CACNA2D3: variants seen among roughly 807,000 people sequenced by gnomAD.
CACNA2D3 encodes calcium voltage-gated channel auxiliary subunit alpha2delta 3, also known as voltage-dependent calcium channel subunit alpha-2/delta-3.
CACNA2D3 carries 60 observed loss-of-function variants against 160.6 expected under a neutral mutation model. That is an observed-to-expected ratio of 0.37 (90% confidence interval 0.30 to 0.46). CACNA2D3 has a LOEUF of 0.46. CACNA2D3 is among the 20% of genes least tolerant of loss of function. The pLI, the probability that CACNA2D3 is intolerant of heterozygous loss-of-function variation, is 1.00. For missense variants in CACNA2D3, 1,205 were observed against 1,365.0 expected (o/e 0.88, Z 1.85); for synonymous variants, 558 against 492.9 (o/e 1.13, Z -1.75).
intron 2 of CACNA2D3, among the ~76,000 whole-genome samples, chr3:54,175,613 C>CAAAAAAA: frequency 1.1e-5 from 1 of 90,322 alleles, no homozygotes; most frequent in African/African-American, 4.3e-5. Flanking sequence ...GACTCTGTCT[C>CAAAAAAA]AAAAAAAAAA....
rs548233026 is a variant in CACNA2D3 at position 54,252,100 on chromosome 3, G to GTTTTTTTTTTTTTTTTTTTTTTTTTTTTT, written c.205-68328_205-68327insTTTTTTTTTTTTTTTTTTTTTTTTTTTTT. Among the ~76,000 whole-genome samples the GTTTTTTTTTTTTTTTTTTTTTTTTTTTTT allele has an allele frequency of 2.1e-4, 25 of 120,970 alleles. 2 individuals carry two copies. The highest frequency in any genetic ancestry group is 8.2e-4 in the African/African-American group (24 of 29,204). 79.4% of individuals were successfully genotyped at this position (120,970 alleles called of 152,430 possible). On this transcript the variant is annotated intron_variant, in intron 2 of 37. Coordinates refer to ENST00000474759, the MANE Select transcript of CACNA2D3 (RefSeq NM_018398.3). ...TCCAATTTCTCTTTTTGCAGAGCTA[G>GTTTTTTTTTTTTTTTTTTTTTTTTTTTTT]TTTTTTTTTTTTTTGTACGATACTC...
chr3:54,484,607 A>C (rs1700986839), intron 4 of CACNA2D3, among the ~76,000 whole-genome samples: 1 of 152,200 alleles, frequency 6.6e-6, no homozygotes, highest in Admixed American at 6.5e-5. Context: ...CTGCGATATT[A>C]AGTGTGAGAA....
At chr3:55,069,643 G>C (rs771200797) in intron 35 of CACNA2D3, among the ~76,000 whole-genome samples, 76 of 152,150 alleles carry the variant, frequency 5.0e-4, no homozygotes, top group Non-Finnish European at 8.8e-5. Flanking sequence ...GTTCATGTGG[G>C]TTTTCTATGA....
intron 5 of CACNA2D3, among the ~76,000 whole-genome samples, chr3:54,512,745 G>T (rs1420589458): frequency 6.6e-6 from 1 of 152,180 alleles, no homozygotes; most frequent in African/African-American, 2.4e-5. Flanking sequence ...AGGCCACTTT[G>T]CTCCCAGGAA....
intron 27 of CACNA2D3, among the ~76,000 whole-genome samples, chr3:54,913,922 T>A (rs1700609246): frequency 1.3e-5 from 2 of 152,210 alleles, no homozygotes; most frequent in South Asian, 4.1e-4. Flanking sequence ...TTAAGTATTA[T>A]GCTTGGAAAA....
chr3:54,829,453 G>C (rs955166261), intron 14 of CACNA2D3, among the ~76,000 whole-genome samples: 6 of 152,230 alleles, frequency 3.9e-5, no homozygotes, highest in African/African-American at 1.4e-4. Context: ...GAGGAGGGAA[G>C]GGTGCAGAGA....
chr3:55,010,348 C>T (rs1703181880), intron 34 of CACNA2D3, among the ~76,000 whole-genome samples: 2 of 151,824 alleles, frequency 1.3e-5, no homozygotes, highest in Admixed American at 6.6e-5. Flanking sequence ...GCAGTTGACC[C>T]GTATAAAAAA....
chr3:54,255,342 A>T (rs1430189242), intron 2 of CACNA2D3, among the ~76,000 whole-genome samples: 3 of 152,220 alleles, frequency 2.0e-5, no homozygotes, highest in Non-Finnish European at 4.4e-5. Flanking sequence ...ATGATCCTGT[A>T]AATTCCTAGC....
chr3:54,564,257 C>T (rs539562888), intron 6 of CACNA2D3, among the ~76,000 whole-genome samples: 44 of 152,210 alleles, frequency 2.9e-4, no homozygotes, highest in Middle Eastern at 6.8e-3. Context: ...ACTATGGTCA[C>T]GAGGACATTT....
chr3:54,788,947 T>G (rs1369585953), intron 13 of CACNA2D3, among the ~76,000 whole-genome samples: 1 of 152,186 alleles, frequency 6.6e-6, no homozygotes, highest in Non-Finnish European at 1.5e-5. Context: ...ATAAGTTTTG[T>G]TGAGTGAAAA....
intron 13 of CACNA2D3, among the ~76,000 whole-genome samples, chr3:54,810,292 C>T (rs987241466): frequency 6.6e-6 from 1 of 152,134 alleles, no homozygotes; most frequent in Non-Finnish European, 1.5e-5. Flanking sequence ...CTGGAGAGAC[C>T]AGATGAGCAG....
chr3:54,219,901 TA>T lies in CACNA2D3; in HGVS notation c.204+96316del, dbSNP rs199959914. 1.9e-3 allele frequency among the ~76,000 whole-genome samples: 295 copies of T among 151,632 alleles called. 2 individuals are homozygous for T. Among genetic ancestry groups the T allele is most frequent in the Middle Eastern group, 0.01 (3 of 294 alleles). Reference sequence around the variant, plus strand: ...CAATTAATTAAGAATTCTTCTTAATTAAAAAAAAACTACTATCTTTCCTTAC... The same window carrying T: ...CAATTAATTAAGAATTCTTCTTAATTAAAAAAAACTACTATCTTTCCTTAC... On this transcript the variant is annotated intron_variant, in intron 2 of 37. Transcript: ENST00000474759.
chr3:54,489,952 A>G lies in CACNA2D3; in HGVS notation c.382-13540A>G, dbSNP rs138492043. ...ATATGAGGAGAAAATGAGATGATTG[A>G]GTAGTAACCAGACGGCACTAAACCT... On this transcript the variant is annotated intron_variant, in intron 4 of 37. Transcript: ENST00000474759. Among the ~76,000 whole-genome samples the G allele has an allele frequency of 1.3e-3, 194 of 152,284 alleles. 2 individuals carry two copies. The highest frequency in any genetic ancestry group is 4.3e-3 in the African/African-American group (180 of 41,540).
chr3:54,808,296 C>A (rs942816590), intron 13 of CACNA2D3, among the ~76,000 whole-genome samples: 3 of 152,100 alleles, frequency 2.0e-5, no homozygotes, highest in African/African-American at 7.2e-5. Context: ...CCATTAGAAG[C>A]TAGGTCTCAT....
chr3:54,323,062 T>G (rs1575394669), intron 3 of CACNA2D3, among the ~76,000 whole-genome samples: 1 of 151,976 alleles, frequency 6.6e-6, no homozygotes, highest in East Asian at 1.9e-4. Context: ...TTAAAGAGAG[T>G]TTGTATGTCA....
chr3:54,449,286 A>T (rs1174405422), intron 4 of CACNA2D3, among the ~76,000 whole-genome samples: 5 of 152,202 alleles, frequency 3.3e-5, no homozygotes, highest in Non-Finnish European at 7.3e-5. Flanking sequence ...CTTGTTGACT[A>T]ATATTGAAGA....
rs551603851 is a variant in CACNA2D3, at chr3:54,339,436, A to G, written c.321+18878A>G. ...CCACCACGACCGCTGTTACGCTATC[A>G]TTTTCTCTCATGTTGTCTTGTTTAT... On this transcript the variant is annotated intron_variant, in intron 3 of 37. Transcript: ENST00000474759. 4.6e-5 allele frequency among the ~76,000 whole-genome samples: 7 copies of G among 151,994 alleles called. No individual in the cohort carries two copies. In the South Asian group the frequency reaches 1.5e-3, roughly 32 times the overall value.
intron 35 of CACNA2D3, among the ~76,000 whole-genome samples, chr3:55,063,092 A>C (rs543314407): frequency 6.6e-6 from 1 of 152,348 alleles, no homozygotes; most frequent in African/African-American, 2.4e-5. Context: ...GGACGGCTTA[A>C]TGGAGAAAGT....
intron 27 of CACNA2D3, among the ~76,000 whole-genome samples, chr3:54,906,661 G>A (rs1325684312): frequency 6.6e-6 from 1 of 152,174 alleles, no homozygotes; most frequent in African/African-American, 2.4e-5. Flanking sequence ...ATGAGTAGGT[G>A]GGTAGCTGAC....
Sources: gnomAD v4.1 joint callset for allele counts (sites outside exome capture counted in the v4.1 genomes callset) on GRCh38, gnomAD v4.1.1 for gene constraint, MANE v1.5 for transcripts, NCBI Gene and HGNC (gene_info 2026-07-23, HGNC 2026-07-21) for gene names.